BCAS3: variants seen among roughly 807,000 people sequenced by gnomAD.
BCAS3 encodes BCAS4/BCAS3 fusion.
A neutral mutation model predicts 116.1 loss-of-function variants in BCAS3; 53 were observed. The ratio of observed to expected loss-of-function variants is 0.46; its 90% CI spans 0.37 to 0.57. The LOEUF is 0.57. Among genes scored for constraint, BCAS3 ranks in the 20% least tolerant of loss-of-function variants. BCAS3 has a pLI of 0.00. For synonymous variants in BCAS3, 391 were observed against 408.2 expected, an observed-to-expected ratio of 0.96 and a Z score of 0.51; for missense variants, 917 against 1,165.4, an observed-to-expected ratio of 0.79 and a Z score of 3.10.
intron 22 of BCAS3, among the ~76,000 whole-genome samples, chr17:61,160,475 C>T (rs1450161386): frequency 6.6e-6 from 1 of 152,096 alleles, no homozygotes; most frequent in African/African-American, 2.4e-5. Context: ...TGACTGCGCT[C>T]CTGCATGGTA....
chr17:60,723,865 C>T, intron 5 of BCAS3, among the ~76,000 whole-genome samples: 1 of 150,750 alleles, frequency 6.6e-6, no homozygotes, highest in African/African-American at 2.4e-5. Flanking sequence ...ACTACAGGCA[C>T]CCGCCACCAT....
chr17:61,084,491 C>T lies in BCAS3; in HGVS notation c.2352C>T (p.Pro784=), dbSNP rs759095204. Residue 784 remains proline (P), a synonymous_variant, in exon 22 of 24, where the codon CCC becomes CCT. Coordinates refer to ENST00000407086, the MANE Select transcript of BCAS3 (RefSeq NM_017679.5). This position sits in a 1 kb window ranked among gnomAD's most constrained non-coding sequence, Gnocchi z 5.5. The part of the protein sequence containing the change: ...SLRIQPVRSD[P]VSMPGSSRPV... ...GGATCCAGCCAGTCCGCTCTGACCC[C>T]GTCAGCATGCCAGGGTCATCCCGTC... 9.3e-6 allele frequency: 15 copies of T among 1,613,906 alleles called. No homozygotes were observed. The South Asian group carries it at 9.9e-5, about 11-fold the overall frequency.
At chr17:61,385,327 C>T (rs373469543) in intron 23 of BCAS3, among the ~76,000 whole-genome samples, 1 of 152,218 alleles carries the variant, frequency 6.6e-6, no homozygotes, top group African/African-American at 2.4e-5. Context: ...GTCTCTCTCT[C>T]TCTCCAAGCC....
At chr17:60,801,373 A>G (rs1021536164) in intron 6 of BCAS3, among the ~76,000 whole-genome samples, 3 of 151,810 alleles carry the variant, frequency 2.0e-5, no homozygotes, top group African/African-American at 7.2e-5. Context: ...AACTGATTCT[A>G]GTTTTTTTTT....
In BCAS3 at chr17:60,990,581, A is replaced by T. The variant is rs1322008228; in HGVS notation, c.1486+346A>T. On this transcript the variant is annotated intron_variant, in intron 15 of 23. Transcript: ENST00000407086. The surrounding 1 kb of genome is among the most constrained non-coding windows in gnomAD (Gnocchi z 5.1). ...TATGTTCAATGGGACACTATAGTTT[A>T]TTAAGAAATATTCATTGTTGGAAAG... Among the ~76,000 whole-genome samples, 1 of 152,044 alleles carries T rather than the reference A, an allele frequency of 6.6e-6. No homozygotes were observed. The highest frequency in any genetic ancestry group is 1.5e-5 in the Non-Finnish European group (1 of 68,002).
intron 6 of BCAS3, among the ~76,000 whole-genome samples, chr17:60,775,429 G>A (rs1171067696): frequency 1.3e-5 from 2 of 152,116 alleles, no homozygotes; most frequent in African/African-American, 2.4e-5. Flanking sequence ...ACAACAAGAA[G>A]TGTGGGCCTC....
rs572590162 is a variant in BCAS3, at chr17:61,261,090, T to C, written c.2426-107237T>C. On this transcript the variant is annotated intron_variant, in intron 22 of 23. Transcript: ENST00000407086. This position sits in a 1 kb window ranked among gnomAD's most constrained non-coding sequence, Gnocchi z 4.4. ...AAACGCATTTATCTAATTTGACACA[T>C]TTTGCCTGGAAGTCATAGAAGAAGA... is the stretch of plus-strand genomic sequence containing the variant. Among the ~76,000 whole-genome samples, 1 of 152,174 alleles carries C rather than the reference T, an allele frequency of 6.6e-6. No individual in the cohort carries two copies. The highest frequency in any genetic ancestry group is 1.5e-5 in the Non-Finnish European group (1 of 68,030).
intron 6 of BCAS3, among the ~76,000 whole-genome samples, chr17:60,757,209 G>C (rs2043070463): frequency 6.6e-6 from 1 of 151,648 alleles, no homozygotes; most frequent in African/African-American, 2.4e-5. Context: ...TTAGCCACTT[G>C]GGGGGCTGAG....
chr17:60,910,999 C>T (rs988128546), intron 12 of BCAS3, among the ~76,000 whole-genome samples: 2 of 151,278 alleles, frequency 1.3e-5, no homozygotes, highest in Non-Finnish European at 2.9e-5. Flanking sequence ...CTGTTCTGTT[C>T]ATAATATTCT....
rs538367514 is a variant in BCAS3, at chr17:61,188,325, G to A, written c.2425+103761G>A. Reference sequence around the variant, plus strand: ...AGCCAAAAGTATTACCTATTATGATGTAGTTTCATCAGTCATCTTTGAAAT... The same window carrying A: ...AGCCAAAAGTATTACCTATTATGATATAGTTTCATCAGTCATCTTTGAAAT... On this transcript the variant is annotated intron_variant, in intron 22 of 23. Coordinates refer to ENST00000407086, the MANE Select transcript of BCAS3 (RefSeq NM_017679.5). The surrounding 1 kb of genome is among the most constrained non-coding windows in gnomAD (Gnocchi z 4.0). Among the ~76,000 whole-genome samples the A allele has an allele frequency of 5.9e-5, 9 of 152,262 alleles. No homozygotes were observed. Among genetic ancestry groups the A allele is most frequent in the African/African-American group, 2.2e-4 (9 of 41,554 alleles).
intron 22 of BCAS3, among the ~76,000 whole-genome samples, chr17:61,207,235 C>T (rs1247899074): frequency 6.6e-6 from 1 of 152,094 alleles, no homozygotes; most frequent in Non-Finnish European, 1.5e-5. Context: ...TGTTCTCCAG[C>T]CTATGGGTAC....
At chr17:61,386,877 C>T (rs2059888621) in intron 23 of BCAS3, among the ~76,000 whole-genome samples, 2 of 147,804 alleles carry the variant, frequency 1.4e-5, no homozygotes, top group South Asian at 4.3e-4. Flanking sequence ...CACCTGGGCT[C>T]AAGGGATCTT....
intron 22 of BCAS3, among the ~76,000 whole-genome samples, chr17:61,185,983 G>A (rs928025885): frequency 6.6e-6 from 1 of 152,092 alleles, no homozygotes; most frequent in South Asian, 2.1e-4. Flanking sequence ...ATTCACACTT[G>A]TATACACAGA....
chr17:60,915,687 C>CT (rs372948619), intron 12 of BCAS3, among the ~76,000 whole-genome samples: 120 of 136,274 alleles, frequency 8.8e-4, no homozygotes, highest in Non-Finnish European at 1.3e-3. Flanking sequence ...TTTTTCTTTT[C>CT]TTTTTTTTTT....
chr17:60,697,608 C>T (rs993929580), intron 4 of BCAS3, among the ~76,000 whole-genome samples: 9 of 148,184 alleles, frequency 6.1e-5, no homozygotes, highest in African/African-American at 7.5e-5. Context: ...AAAAAAGATT[C>T]GGTTTCACTT....
intron 14 of BCAS3, among the ~76,000 whole-genome samples, chr17:60,977,692 C>T (rs567900745): frequency 3.3e-5 from 5 of 150,486 alleles, no homozygotes; most frequent in East Asian, 2.0e-4. Context: ...GTGATGTTCC[C>T]CTTCCTGTGT....
intron 14 of BCAS3, among the ~76,000 whole-genome samples, chr17:60,984,587 T>A (rs1483175369): frequency 2.0e-5 from 3 of 152,130 alleles, no homozygotes; most frequent in African/African-American, 7.2e-5. Flanking sequence ...TCAGGGTAAT[T>A]GGGGTATCCA....
chr17:61,135,377 G>T (rs1000469176), intron 22 of BCAS3, among the ~76,000 whole-genome samples: 2 of 152,132 alleles, frequency 1.3e-5, no homozygotes, highest in Non-Finnish European at 2.9e-5. Flanking sequence ...TCACCACAGT[G>T]GCCTGAAATA....
intron 13 of BCAS3, among the ~76,000 whole-genome samples, chr17:60,937,863 C>G (rs376172585): frequency 1.0e-3 from 152 of 152,292 alleles, no homozygotes; most frequent in Non-Finnish European, 1.3e-3. Flanking sequence ...TTGACTGTAT[C>G]TGTATCTGTA....
Sources: gnomAD v4.1 joint callset for allele counts (sites outside exome capture counted in the v4.1 genomes callset) on GRCh38, gnomAD v4.1.1 for gene constraint, Gnocchi (gnomAD v3.1) non-coding constraint, MANE v1.5 for transcripts, NCBI Gene and HGNC (gene_info 2026-07-23, HGNC 2026-07-21) for gene names.